Variants in ADAMTS2 observed in about 807,000 individuals in gnomAD.
ADAMTS2 encodes the protein A disintegrin and metalloproteinase with thrombospondin motifs 2.
A neutral mutation model predicts 123.0 loss-of-function variants in ADAMTS2; 50 were observed. That is an observed-to-expected ratio of 0.41 (90% CI 0.32 to 0.51). ADAMTS2 has a LOEUF of 0.51. Among genes scored for constraint, ADAMTS2 ranks in the 20% least tolerant of loss-of-function variants. ADAMTS2 has a pLI of 0.35. For missense variants in ADAMTS2, 1,494 were observed against 1,705.2 expected (o/e 0.88, Z 2.18); for synonymous variants, 678 against 695.4 (o/e 0.98, Z 0.39).
At chr5:179,153,706 G>T in intron 8 of ADAMTS2, 83 bp from the exon 9 acceptor site, 2 of 1,513,616 alleles carry the variant, frequency 1.3e-6, no homozygotes, top group Non-Finnish European at 1.8e-6. Flanking sequence ...GCCCCTGCTG[G>T]AGCTGCCATG....
chr5:179,188,977 TG>T lies in ADAMTS2; in HGVS notation c.892-7823del, dbSNP rs1350594824. ...GCTGCCCCTCCCCCTCTCCTGAATT[TG>T]GGGGGTTAGCAGAGTGTGGGGGGGA... On this transcript the variant is annotated intron_variant, in intron 4 of 21. Transcript: ENST00000251582. This position sits in a 1 kb window ranked among gnomAD's most constrained non-coding sequence, Gnocchi z 5.1. Among the ~76,000 whole-genome samples, 1 of 152,010 alleles carries T rather than the reference TG, an allele frequency of 6.6e-6. No homozygotes were observed. Among genetic ancestry groups the T allele is most frequent in the Non-Finnish European group, 1.5e-5 (1 of 67,992 alleles).
chr5:179,268,234 C>T (rs1766425965), intron 3 of ADAMTS2, among the ~76,000 whole-genome samples: 1 of 152,246 alleles, frequency 6.6e-6, no homozygotes, highest in Admixed American at 6.5e-5. Context: ...CATGGCAAGG[C>T]CAGGGCTGGA....
At chr5:179,291,094 G>C (rs1331151559) in intron 2 of ADAMTS2, among the ~76,000 whole-genome samples, 6 of 152,244 alleles carry the variant, frequency 3.9e-5, no homozygotes, top group Admixed American at 3.9e-4. Flanking sequence ...TGGCCAGGAG[G>C]GGACTTCCTT....
chr5:179,167,387 C>A (rs990497479), intron 5 of ADAMTS2, among the ~76,000 whole-genome samples: 5 of 152,176 alleles, frequency 3.3e-5, no homozygotes, highest in South Asian at 2.1e-4. Flanking sequence ...CCCAAGACAG[C>A]CTCTGGGCCT....
Position 179,345,197 on chromosome 5 carries a change from G to A in ADAMTS2, c.132C>T (p.Asp44=), listed in dbSNP as rs1180118665. The A allele has an allele frequency of 2.7e-5, 30 of 1,116,342 alleles. No individual in the cohort carries two copies. The highest frequency in any genetic ancestry group is 3.3e-5 in the Non-Finnish European group (30 of 920,250). The allele number at this position is 1,116,342 out of a possible 1,614,324, so 69.2% of individuals were successfully genotyped here. A position where few individuals can be genotyped will look rare whatever the true frequency, so the allele number is the denominator to read the frequency against. Residue 44 remains aspartate, a synonymous_variant, in exon 1 of 22, where the codon GAC becomes GAT. Coordinates refer to ENST00000251582, the MANE Select transcript of ADAMTS2 (RefSeq NM_014244.5). The surrounding 1 kb of genome is among the most constrained non-coding windows in gnomAD (Gnocchi z 7.5). ...PANARLAAAA[D]PPGGPLGHGA... is the part of the protein sequence containing the mutation. ...GGGCCGGGCCGCACCTACCTGGGGGGTCGGCGGCGGCGGCGAGCCTGGCGT... is the reference window on the plus strand; with the variant it reads ...GGGCCGGGCCGCACCTACCTGGGGGATCGGCGGCGGCGGCGAGCCTGGCGT...
intron 5 of ADAMTS2, among the ~76,000 whole-genome samples, chr5:179,178,501 A>G (rs1386575801): frequency 1.3e-5 from 2 of 152,236 alleles, no homozygotes; most frequent in Non-Finnish European, 2.9e-5. Flanking sequence ...GAGCCTCCCA[A>G]CAGCTTCCTA....
chr5:179,268,517 A>G (rs1039030238), intron 3 of ADAMTS2, among the ~76,000 whole-genome samples: 3 of 152,184 alleles, frequency 2.0e-5, no homozygotes, highest in Admixed American at 2.0e-4. Flanking sequence ...CTGTGTGGCA[A>G]CCTTCACAGA....
Position 179,132,411 on chromosome 5 carries a change from G to A in ADAMTS2, c.2210-101C>T, listed in dbSNP as rs1299099579. ...CCTCGCTCTTGAAGGCAGCTCCTCCGGAGGCTCTCCCAGGACCCTGGTATT... is the reference window on the plus strand; with the variant it reads ...CCTCGCTCTTGAAGGCAGCTCCTCCAGAGGCTCTCCCAGGACCCTGGTATT... On this transcript the variant is annotated intron_variant, in intron 14 of 21. Coordinates refer to ENST00000251582, the MANE Select transcript of ADAMTS2 (RefSeq NM_014244.5). The surrounding 1 kb of genome is among the most constrained non-coding windows in gnomAD (Gnocchi z 6.1). The A allele has an allele frequency of 1.5e-5, 17 of 1,159,072 alleles. No individual in the cohort carries two copies. In the East Asian group the frequency reaches 2.2e-4, roughly 15 times the overall value. 71.8% of individuals were successfully genotyped at this position (1,159,072 alleles called of 1,614,324 possible). A position where few individuals can be genotyped will look rare whatever the true frequency, so the allele number is the denominator to read the frequency against.
Position 179,130,791 on chromosome 5 carries a change from C to G in ADAMTS2, c.2291-693G>C, listed in dbSNP as rs957315686. Among the ~76,000 whole-genome samples, 2 of 152,142 alleles carry G rather than the reference C, an allele frequency of 1.3e-5. No individual in the cohort carries two copies. Among genetic ancestry groups the G allele is most frequent in the African/African-American group, 4.8e-5 (2 of 41,424 alleles). ...GTGAGAAAATCATTCCCTGTCACGT[C>G]CCCTGTAATTCTGTCCACTCACAAA... On this transcript the variant is annotated intron_variant, in intron 15 of 21. Coordinates refer to ENST00000251582, the MANE Select transcript of ADAMTS2 (RefSeq NM_014244.5). The surrounding 1 kb of genome is among the most constrained non-coding windows in gnomAD (Gnocchi z 4.3).
intron 2 of ADAMTS2, among the ~76,000 whole-genome samples, chr5:179,330,940 T>C (rs1181559925): frequency 6.6e-6 from 1 of 152,102 alleles, no homozygotes; most frequent in Non-Finnish European, 1.5e-5. Context: ...TTTTCAGCAA[T>C]TCACCCTGCT....
intron 4 of ADAMTS2, among the ~76,000 whole-genome samples, chr5:179,196,515 G>C (rs1266974013): frequency 1.3e-5 from 2 of 152,206 alleles, no homozygotes; most frequent in African/African-American, 4.8e-5. Flanking sequence ...CAGCGGTTAA[G>C]AGCAGTTCAT....
In ADAMTS2 at chr5:179,332,440, A is replaced by T. The variant is rs192174549; in HGVS notation, c.534+11327T>A. Among the ~76,000 whole-genome samples, 4 of 152,348 alleles carry T rather than the reference A, an allele frequency of 2.6e-5. No homozygotes were observed. In the East Asian group the frequency reaches 5.8e-4, roughly 22 times the overall value. On this transcript the variant is annotated intron_variant, in intron 2 of 21. Transcript: ENST00000251582. The surrounding 1 kb of genome is among the most constrained non-coding windows in gnomAD (Gnocchi z 4.2). Reference sequence around the variant, plus strand: ...AAACTCTTATATCAGGAACAAGGGGACTCAGACCAAATCTGATAATAAAAG... The same window carrying T: ...AAACTCTTATATCAGGAACAAGGGGTCTCAGACCAAATCTGATAATAAAAG...
chr5:179,272,980 G>A lies in ADAMTS2; in HGVS notation c.619C>T (p.Arg207Cys), dbSNP rs1228158479. The A allele has an allele frequency of 4.3e-6, 7 of 1,612,824 alleles. No homozygotes were observed. The highest frequency in any genetic ancestry group is 3.3e-5 in the Admixed American group (2 of 59,982). Residue 207 changes from arginine (R) to cysteine (C), a missense_variant, in exon 3 of 22, where the codon CGT becomes TGT. By Grantham distance (180) the Arg-to-Cys change is radical. Coordinates refer to ENST00000251582, the MANE Select transcript of ADAMTS2 (RefSeq NM_014244.5). This position sits in a 1 kb window ranked among gnomAD's most constrained non-coding sequence, Gnocchi z 5.8. Reference sequence around the variant, plus strand: ...GGCCGGCGATACACCACATGCACACGGCCTTGCTCAGCCTCCTGCGCCGCC... The same window carrying A: ...GGCCGGCGATACACCACATGCACACAGCCTTGCTCAGCCTCCTGCGCCGCC... Reference protein sequence around the residue: ...GLAAQEAEQGRVHVVYRRPPT... With the variant: ...GLAAQEAEQGCVHVVYRRPPT...
chr5:179,168,689 G>T (rs989604204), intron 5 of ADAMTS2, among the ~76,000 whole-genome samples: 1 of 152,148 alleles, frequency 6.6e-6, no homozygotes, highest in African/African-American at 2.4e-5. Flanking sequence ...CTCACCAAAG[G>T]TCCCACGAGT....
chr5:179,327,268 C>G (rs1341347400), intron 2 of ADAMTS2, among the ~76,000 whole-genome samples: 2 of 152,188 alleles, frequency 1.3e-5, no homozygotes, highest in Admixed American at 1.3e-4. Flanking sequence ...AGAAAATTAT[C>G]TCATTGTGAA....
intron 5 of ADAMTS2, among the ~76,000 whole-genome samples, chr5:179,171,580 G>T (rs886884526): frequency 2.0e-5 from 3 of 152,194 alleles, no homozygotes; most frequent in Non-Finnish European, 4.4e-5. Flanking sequence ...TCTACACTCA[G>T]CTGATCAACT....
At chr5:179,267,706 C>A (rs13189853) in intron 3 of ADAMTS2, among the ~76,000 whole-genome samples, 26,873 of 152,192 alleles carry the variant, frequency 0.18, 2,997 homozygotes, top group East Asian at 0.37. Context: ...ATAGTGAGCA[C>A]GGGAGGGGAC....
intron 3 of ADAMTS2, among the ~76,000 whole-genome samples, chr5:179,253,514 C>T (rs1168276972): frequency 6.6e-6 from 1 of 152,012 alleles, no homozygotes; most frequent in African/African-American, 2.4e-5. Flanking sequence ...GGTGTGGTGG[C>T]ACATGCCTGT....
chr5:179,342,327 C>T (rs142128070), intron 2 of ADAMTS2, among the ~76,000 whole-genome samples: 181 of 151,548 alleles, frequency 1.2e-3, no homozygotes, highest in Non-Finnish European at 1.9e-3. Context: ...TAACCTCCAG[C>T]GTAAAATGGG....
Sources: gnomAD v4.1 joint callset for allele counts (sites outside exome capture counted in the v4.1 genomes callset) on GRCh38, gnomAD v4.1.1 for gene constraint, Gnocchi (gnomAD v3.1) non-coding constraint, MANE v1.5 for transcripts, NCBI Gene and HGNC (gene_info 2026-07-23, HGNC 2026-07-21) for gene names.